Variants in BABAM2 observed in about 807,000 individuals in gnomAD.
BABAM2 encodes the protein BRISC and BRCA1 A complex member 2.
Under a neutral mutation model 54.7 loss-of-function variants are expected in BABAM2, and 31 were observed. The observed-to-expected ratio is 0.57, with a 90% CI of 0.43 to 0.77. The LOEUF is 0.77. Among genes scored for constraint, BABAM2 ranks in the 30% least tolerant of loss-of-function variants. The pLI, the probability that BABAM2 is intolerant of heterozygous loss-of-function variation, is 0.00. For synonymous variants in BABAM2, 167 were observed against 162.9 expected, an observed-to-expected ratio of 1.03 and a Z score of -0.19; for missense variants, 364 against 455.8, an observed-to-expected ratio of 0.80 and a Z score of 1.83.
At chr2:28,219,670 A>AG (rs1303568217) in intron 7 of BABAM2, among the ~76,000 whole-genome samples, 1 of 151,968 alleles carries the variant, frequency 6.6e-6, no homozygotes, top group South Asian at 2.1e-4. Context: ...AAAAAAAAAA[A>AG]CCGGGTAGAG....
At chr2:28,093,053 C>G (rs754620317) in intron 6 of BABAM2, among the ~76,000 whole-genome samples, 1 of 152,064 alleles carries the variant, frequency 6.6e-6, no homozygotes, top group Non-Finnish European at 1.5e-5. Flanking sequence ...TACTTTTCCC[C>G]TATTACATTA....
chr2:28,026,927 A>G (rs7421130), intron 5 of BABAM2, among the ~76,000 whole-genome samples: 2 of 18,168 alleles, frequency 1.1e-4, no homozygotes, highest in South Asian at 2.5e-3. Context: ...AATATATATA[A>G]ATATATATAT....
At chr2:28,238,766 G>A (rs902195693) in intron 8 of BABAM2, among the ~76,000 whole-genome samples, 48 of 152,006 alleles carry the variant, frequency 3.2e-4, no homozygotes, top group African/African-American at 1.1e-3. Context: ...TGCAAATTTG[G>A]TCTTCTAGAA....
At chr2:28,264,376 A>G (rs1367053691) in intron 10 of BABAM2, among the ~76,000 whole-genome samples, 3 of 152,234 alleles carry the variant, frequency 2.0e-5, no homozygotes, top group African/African-American at 7.2e-5. Flanking sequence ...GGCTAAGCTA[A>G]TATTTCTCAT....
chr2:28,299,199 G>A (rs1431697378), intron 11 of BABAM2, among the ~76,000 whole-genome samples: 1 of 152,146 alleles, frequency 6.6e-6, no homozygotes, highest in Non-Finnish European at 1.5e-5. Flanking sequence ...GAATAGATAT[G>A]GAAGTAGGAT....
intron 11 of BABAM2, among the ~76,000 whole-genome samples, chr2:28,317,183 A>G (rs1689629477): frequency 6.6e-6 from 1 of 152,082 alleles, no homozygotes; most frequent in African/African-American, 2.4e-5. Flanking sequence ...GGCCGTCCCC[A>G]TTAGTGCCTC....
chr2:28,091,495 T>C (rs1363458179), intron 6 of BABAM2, among the ~76,000 whole-genome samples: 3 of 152,320 alleles, frequency 2.0e-5, no homozygotes, highest in Admixed American at 1.3e-4. Flanking sequence ...GACCTATTCA[T>C]CCGTCTTTAA....
At chr2:28,097,063 G>A (rs1431853858) in intron 6 of BABAM2, among the ~76,000 whole-genome samples, 2 of 152,072 alleles carry the variant, frequency 1.3e-5, no homozygotes, top group Non-Finnish European at 2.9e-5. Context: ...GGTCAACCTA[G>A]GAAGGTGACA....
intron 6 of BABAM2, among the ~76,000 whole-genome samples, chr2:28,076,204 G>A (rs1220177542): frequency 1.3e-5 from 2 of 152,020 alleles, no homozygotes. Context: ...AGCCTGGGAG[G>A]TCAAGGCTGC....
chr2:28,021,835 T>A (rs1675292849), intron 4 of BABAM2, among the ~76,000 whole-genome samples: 1 of 152,220 alleles, frequency 6.6e-6, no homozygotes, highest in South Asian at 2.1e-4. Context: ...AAGTCTCATT[T>A]CTTCATTTGC....
chr2:28,213,124 C>T lies in BABAM2; in HGVS notation c.681-24078C>T, dbSNP rs373999813. Reference sequence around the variant, plus strand: ...CACCTGTGGTCCCAGCTATTCAGGACGCTGAGGTATGAGGATCACTTGAGC... The same window carrying T: ...CACCTGTGGTCCCAGCTATTCAGGATGCTGAGGTATGAGGATCACTTGAGC... On this transcript the variant is annotated intron_variant, in intron 7 of 11. Coordinates refer to ENST00000379624, the MANE Select transcript of BABAM2 (RefSeq NM_199191.3). 1.7e-4 allele frequency among the ~76,000 whole-genome samples: 26 copies of T among 151,920 alleles called. No homozygotes were observed. The South Asian group carries it at 3.9e-3, about 23-fold the overall frequency.
chr2:28,246,040 C>A (rs746715111), intron 10 of BABAM2, among the ~76,000 whole-genome samples: 1 of 152,142 alleles, frequency 6.6e-6, no homozygotes, highest in African/African-American at 2.4e-5. Context: ...TAGAGATGAT[C>A]GAGCGCAGGC....
intron 3 of BABAM2, among the ~76,000 whole-genome samples, chr2:27,962,712 C>G (rs893791334): frequency 6.6e-6 from 1 of 152,124 alleles, no homozygotes; most frequent in Non-Finnish European, 1.5e-5. Flanking sequence ...TATAGTACCT[C>G]TTAAGAAACA....
chr2:27,984,844 C>T (rs1216174082), intron 3 of BABAM2, among the ~76,000 whole-genome samples: 1 of 151,952 alleles, frequency 6.6e-6, no homozygotes, highest in South Asian at 2.1e-4. Context: ...TCCCTCACCT[C>T]CTCCCACCCT....
chr2:27,908,363 C>T (rs1434789463), intron 2 of BABAM2, among the ~76,000 whole-genome samples: 2 of 152,070 alleles, frequency 1.3e-5, no homozygotes, highest in African/African-American at 4.8e-5. Context: ...CCTCAACCTC[C>T]TGGGCTCAAG....
rs139814155 is a variant in BABAM2, at chr2:27,907,113, C to T, written c.128+12429C>T. On this transcript the variant is annotated intron_variant, in intron 2 of 11. Transcript: ENST00000379624. ...CTTGAATAGTTTTATTTTTTGGTGC[C>T]GTGTTGCTTGAGAATTAATTTTGTA... 2.1e-3 allele frequency among the ~76,000 whole-genome samples: 320 copies of T among 152,102 alleles called. 1 individual carries two copies. The highest frequency in any genetic ancestry group is 7.3e-3 in the African/African-American group (303 of 41,484).
intron 6 of BABAM2, among the ~76,000 whole-genome samples, chr2:28,063,634 A>G (rs1310429465): frequency 6.6e-6 from 1 of 152,216 alleles, no homozygotes; most frequent in Non-Finnish European, 1.5e-5. Flanking sequence ...GATGAGTGAT[A>G]AAGATTTAGA....
At chr2:28,217,314 A>G (rs1680007390) in intron 7 of BABAM2, among the ~76,000 whole-genome samples, 1 of 152,334 alleles carries the variant, frequency 6.6e-6, no homozygotes, top group South Asian at 2.1e-4. Flanking sequence ...GACAGTGGAT[A>G]TGGCTGGGCA....
intron 7 of BABAM2, among the ~76,000 whole-genome samples, chr2:28,224,849 GACAAAAAA>G (rs1680737672): frequency 1.7e-5 from 1 of 60,372 alleles, no homozygotes; most frequent in Non-Finnish European, 3.5e-5. Context: ...ACGGTAAATT[GACAAAAAA>G]AAAAAAAAAA....
Sources: gnomAD v4.1 joint callset for allele counts (sites outside exome capture counted in the v4.1 genomes callset) on GRCh38, gnomAD v4.1.1 for gene constraint, MANE v1.5 for transcripts, NCBI Gene and HGNC (gene_info 2026-07-23, HGNC 2026-07-21) for gene names.